Variants in FGF13 observed in about 807,000 individuals in gnomAD.
The protein encoded by FGF13 is fibroblast growth factor 13, also known as fibroblast growth factor homologous factor 2.
A neutral mutation model predicts 19.5 loss-of-function variants in FGF13; 2 were observed. The ratio of observed to expected loss-of-function variants is 0.10; its 90% CI spans 0.04 to 0.32. FGF13 has a LOEUF of 0.32. FGF13 is among the 10% of genes least tolerant of loss of function. The probability of loss-of-function intolerance (pLI) is 1.00; values close to 1 mark genes in which losing one functional copy is unlikely to be tolerated. For missense variants in FGF13, 113 were observed against 192.7 expected (o/e 0.59, Z 2.45); for synonymous variants, 72 against 76.9 (o/e 0.94, Z 0.33).
chrX:138,956,449 T>C (rs937967270), intron 1 of FGF13, among the ~76,000 whole-genome samples: 7 of 110,794 alleles, frequency 6.3e-5, no homozygotes, highest in African/African-American at 2.3e-4. Flanking sequence ...GTTACTGTGG[T>C]ATGAATGTAG....
chrX:138,910,768 C>G (rs1426524882), intron 1 of FGF13, among the ~76,000 whole-genome samples: 1 of 112,221 alleles, frequency 8.9e-6, no homozygotes, highest in African/African-American at 3.2e-5. Flanking sequence ...ACTGTATCAG[C>G]TACATGACAG....
rs190413763 is a variant in FGF13 at position 138,784,269 on chromosome X, A to G, written c.217+73243T>C. Among the ~76,000 whole-genome samples, 768 of 103,354 alleles carry G rather than the reference A, an allele frequency of 7.4e-3. 6 individuals are homozygous for G. Among genetic ancestry groups the G allele is most frequent in the African/African-American group, 0.025 (712 of 28,242 alleles). The allele number at this position is 103,354 out of a possible 115,157, so 89.8% of individuals were successfully genotyped here. On this transcript the variant is annotated intron_variant, in intron 3 of 6. Transcript: ENST00000436198. Reference sequence around the variant, plus strand: ...AGCATGGCACATGTATACGTATGTAACTAACCTGCACAATGTGCACATGTA... The same window carrying G: ...AGCATGGCACATGTATACGTATGTAGCTAACCTGCACAATGTGCACATGTA...
At chrX:139,074,343 C>T (rs10521793) in intron 1 of FGF13, among the ~76,000 whole-genome samples, 16,987 of 111,316 alleles carry the variant, frequency 0.15, 1,162 homozygotes, top group African/African-American at 0.26. Flanking sequence ...ATAGTTAACA[C>T]GTATAAGGGA....
chrX:138,894,220 C>T (rs5976216), intron 1 of FGF13, among the ~76,000 whole-genome samples: 1,860 of 110,202 alleles, frequency 0.017, 42 homozygotes, highest in African/African-American at 0.057. Context: ...CCTGTAGTAT[C>T]TTCTCTTTCC....
At chrX:138,850,174 C>A (rs2091212673) in intron 3 of FGF13, among the ~76,000 whole-genome samples, 1 of 111,418 alleles carries the variant, frequency 9.0e-6, no homozygotes, top group Non-Finnish European at 1.9e-5. Context: ...AGCCAGCCTC[C>A]AGCCTAGAGA....
intron 1 of FGF13, among the ~76,000 whole-genome samples, chrX:138,950,667 T>C (rs1401588543): frequency 8.9e-6 from 1 of 112,184 alleles, no homozygotes; most frequent in Non-Finnish European, 1.9e-5. Flanking sequence ...ATAATTTCAG[T>C]TTTCAATGAT....
chrX:138,958,150 T>C (rs1463868467), intron 1 of FGF13, among the ~76,000 whole-genome samples: 7 of 111,943 alleles, frequency 6.3e-5, no homozygotes, highest in Non-Finnish European at 1.1e-4. Flanking sequence ...CAGTATGATA[T>C]TGGCTGTGGG....
chrX:139,146,579 G>C (rs2083891190), intron 1 of FGF13, among the ~76,000 whole-genome samples: 2 of 111,998 alleles, frequency 1.8e-5, no homozygotes, highest in African/African-American at 6.5e-5. Context: ...CAAGGATCTA[G>C]AACTAGAAAT....
At chrX:138,736,018 T>C (rs571945108) in intron 1 of FGF13, among the ~76,000 whole-genome samples, 1 of 112,311 alleles carries the variant, frequency 8.9e-6, no homozygotes, top group Non-Finnish European at 1.9e-5. Context: ...ATACTGCCAA[T>C]TGAGATATGC....
chrX:139,013,479 T>TTATATATATATATATATA (rs202184653), intron 1 of FGF13, among the ~76,000 whole-genome samples: 5 of 71,081 alleles, frequency 7.0e-5, no homozygotes, highest in Non-Finnish European at 7.3e-5. Flanking sequence ...AAAGAAAATT[T>TTATATATATATATATATA]TATATATATA....
At chrX:138,723,155 G>C (rs1391008953) in intron 1 of FGF13, among the ~76,000 whole-genome samples, 1 of 111,644 alleles carries the variant, frequency 9.0e-6, no homozygotes, top group African/African-American at 3.3e-5. Context: ...TATTTGGTCA[G>C]AGGGATGGAT....
chrX:139,110,137 T>C (rs182215613), intron 1 of FGF13, among the ~76,000 whole-genome samples: 1 of 110,954 alleles, frequency 9.0e-6, no homozygotes, highest in East Asian at 2.8e-4. Flanking sequence ...TTTATGTAAA[T>C]ATATTTATAT....
chrX:138,890,072 G>T (rs775488997), intron 1 of FGF13, among the ~76,000 whole-genome samples: 3 of 110,218 alleles, frequency 2.7e-5, no homozygotes, highest in Non-Finnish European at 5.7e-5. Context: ...GGGATTACAG[G>T]CACCTGCCAC....
intron 1 of FGF13, among the ~76,000 whole-genome samples, chrX:139,172,595 G>A (rs188465152): frequency 5.4e-5 from 6 of 111,790 alleles, no homozygotes; most frequent in African/African-American, 1.9e-4. Flanking sequence ...AATCTTTAAA[G>A]GAGAAACAAG....
chrX:138,864,949 G>A (rs185000916), intron 1 of FGF13, among the ~76,000 whole-genome samples: 4 of 111,586 alleles, frequency 3.6e-5, no homozygotes, highest in East Asian at 5.7e-4. Context: ...TGTCCAAGTC[G>A]AACTTAAGTG....
At chrX:138,916,535 C>A (rs146892513) in intron 1 of FGF13, among the ~76,000 whole-genome samples, 3,868 of 111,860 alleles carry the variant, frequency 0.035, 167 homozygotes, top group African/African-American at 0.12. Flanking sequence ...ATTATAAACT[C>A]ATTATCTATT....
chrX:139,035,802 C>T (rs2092248816), intron 1 of FGF13, among the ~76,000 whole-genome samples: 1 of 111,287 alleles, frequency 9.0e-6, no homozygotes, highest in Admixed American at 9.6e-5. Flanking sequence ...TCATTTCATT[C>T]AGAAAGACCA....
At position 139,158,211 on chromosome X, in the gene FGF13, A is replaced by ATT. The variant is rs34372473; in HGVS notation, c.-113+45203_-113+45204dup. On this transcript the variant is annotated intron_variant, in intron 1 of 2. Coordinates refer to the FGF13 transcript ENST00000421460. ...GGGCAGACACCTAGCTAGCTGCAGC[A>ATT]TTTTTTTTTTTTGATATCCCAGTGG... Among the ~76,000 whole-genome samples the ATT allele has an allele frequency of 7.4e-4, 75 of 101,923 alleles. 1 individual carries two copies. The highest frequency in any genetic ancestry group is 1.3e-3 in the South Asian group (3 of 2,295). 88.5% of individuals were successfully genotyped at this position (101,923 alleles called of 115,157 possible). A position where few individuals can be genotyped will look rare whatever the true frequency, so the allele number is the denominator to read the frequency against.
chrX:139,122,353 A>G (rs1336273311), intron 1 of FGF13, among the ~76,000 whole-genome samples: 1 of 111,828 alleles, frequency 8.9e-6, no homozygotes, highest in East Asian at 2.8e-4. Context: ...CAGAACACAT[A>G]GAAGTAAAGC....
Sources: allele counts gnomAD v4.1 joint callset (sites outside exome capture counted in the v4.1 genomes callset), GRCh38; gene constraint gnomAD v4.1.1; transcripts MANE v1.5; gene names NCBI Gene and HGNC (gene_info 2026-07-23, HGNC 2026-07-21).